PPHLN1: variants seen among roughly 807,000 people sequenced by gnomAD.
PPHLN1 encodes the protein periphilin-1.
Under a neutral mutation model 51.3 loss-of-function variants are expected in PPHLN1, and 29 were observed. The observed-to-expected ratio is 0.57, with a 90% confidence interval of 0.42 to 0.77. The LOEUF (loss-of-function observed/expected upper bound fraction) is 0.77, where lower values mean the gene tolerates loss of function less well. Among genes scored for constraint, PPHLN1 ranks in the 30% least tolerant of loss-of-function variants. The pLI is 0.00. For synonymous variants in PPHLN1, 147 were observed against 147.8 expected (o/e 0.99, Z 0.04); for missense variants, 436 against 438.4 (o/e 0.99, Z 0.05).
At chr12:42,328,938 T>G (rs1279004110) in intron 1 of PPHLN1, among the ~76,000 whole-genome samples, 1 of 152,162 alleles carries the variant, frequency 6.6e-6, no homozygotes, top group African/African-American at 2.4e-5. Context: ...GATCTTGAAC[T>G]CTCAACCTCA....
chr12:42,437,940 T>C (rs563164674), intron 9 of PPHLN1, among the ~76,000 whole-genome samples: 1 of 152,342 alleles, frequency 6.6e-6, no homozygotes, highest in East Asian at 1.9e-4. Context: ...GTTGGTATCA[T>C]AGTGTATAAC....
chr12:42,420,776 A>G (rs1418452666), intron 9 of PPHLN1, among the ~76,000 whole-genome samples: 2 of 150,604 alleles, frequency 1.3e-5, no homozygotes, highest in African/African-American at 4.9e-5. Flanking sequence ...TCATATATGA[A>G]TAATTGGTAC....
At chr12:42,347,394 G>A (rs1348188323) in intron 2 of PPHLN1, among the ~76,000 whole-genome samples, 2 of 152,178 alleles carry the variant, frequency 1.3e-5, no homozygotes, top group African/African-American at 4.8e-5. Flanking sequence ...ACAGCTTAAT[G>A]TAAGATTTGC....
intron 2 of PPHLN1, among the ~76,000 whole-genome samples, chr12:42,340,741 C>G (rs938200181): frequency 1.3e-5 from 2 of 152,150 alleles, no homozygotes; most frequent in African/African-American, 4.8e-5. Flanking sequence ...GTGGTACTTA[C>G]ACCTTGTGAA....
intron 5 of PPHLN1, among the ~76,000 whole-genome samples, chr12:42,379,702 T>C (rs1261993945): frequency 6.6e-6 from 1 of 152,044 alleles, no homozygotes; most frequent in Non-Finnish European, 1.5e-5. Flanking sequence ...TGTATGTGTG[T>C]AGTTAATGCA....
chr12:42,351,595 TTTA>T (rs2073367478), intron 2 of PPHLN1: 3 of 182,516 alleles, frequency 1.6e-5, no homozygotes, highest in East Asian at 1.3e-4. Context: ...CTGTCTTAAG[TTTA>T]TTTTTTACTA....
chr12:42,343,439 T>C (rs901426792), intron 2 of PPHLN1, among the ~76,000 whole-genome samples: 1 of 152,220 alleles, frequency 6.6e-6, no homozygotes, highest in Non-Finnish European at 1.5e-5. Context: ...ACTCAACTAT[T>C]AACATTTTAC....
intron 9 of PPHLN1, among the ~76,000 whole-genome samples, chr12:42,427,602 A>C (rs113686731): frequency 3.3e-5 from 5 of 152,294 alleles, no homozygotes; most frequent in Non-Finnish European, 5.9e-5. Context: ...ACAAAAATCA[A>C]CTCAAGATGG....
At chr12:42,436,153 T>C (rs985597993) in intron 9 of PPHLN1, among the ~76,000 whole-genome samples, 1 of 152,240 alleles carries the variant, frequency 6.6e-6, no homozygotes, top group African/African-American at 2.4e-5. Context: ...TTTGATTGAC[T>C]GTGTCCTTAT....
chr12:42,406,240 T>A (rs889847800), intron 9 of PPHLN1, among the ~76,000 whole-genome samples: 1 of 152,020 alleles, frequency 6.6e-6, no homozygotes, highest in African/African-American at 2.4e-5. Flanking sequence ...CCCGCCACCA[T>A]GCCCGGCTAA....
downstream of PPHLN1, chr12:42,445,826 C>A: frequency 2.2e-6 from 2 of 901,342 alleles, no homozygotes; most frequent in Non-Finnish European, 3.2e-6. Context: ...TGATAAATTT[C>A]AGTCAGCTAT....
chr12:42,422,620 A>G (rs2081102780), intron 9 of PPHLN1, among the ~76,000 whole-genome samples: 1 of 152,216 alleles, frequency 6.6e-6, no homozygotes, highest in Non-Finnish European at 1.5e-5. Context: ...AAAAGTTACA[A>G]TGTTGTAAAC....
intron 3 of PPHLN1, among the ~76,000 whole-genome samples, chr12:42,353,989 AATTCTT>A (rs1274660518): frequency 1.3e-5 from 2 of 152,306 alleles, no homozygotes; most frequent in African/African-American, 4.8e-5. Flanking sequence ...TCATGACACT[AATTCTT>A]ATATAGAGTT....
At chr12:42,344,362 G>A (rs966764892) in intron 2 of PPHLN1, among the ~76,000 whole-genome samples, 1 of 152,168 alleles carries the variant, frequency 6.6e-6, no homozygotes, top group Admixed American at 6.5e-5. Context: ...ACACATTAAT[G>A]TGATCAACTC....
At chr12:42,439,268 C>T (rs1020619435) in intron 9 of PPHLN1, among the ~76,000 whole-genome samples, 2 of 152,110 alleles carry the variant, frequency 1.3e-5, no homozygotes, top group African/African-American at 4.8e-5. Context: ...AGATAGATAA[C>T]CAGTTGTTCA....
intron 2 of PPHLN1, among the ~76,000 whole-genome samples, chr12:42,346,559 A>G (rs995734944): frequency 6.6e-6 from 1 of 152,188 alleles, no homozygotes; most frequent in Non-Finnish European, 1.5e-5. Flanking sequence ...GGAAGTGTGA[A>G]TATCTTGAAC....
intron 9 of PPHLN1, among the ~76,000 whole-genome samples, chr12:42,420,657 T>C (rs1334064165): frequency 8.3e-6 from 1 of 121,014 alleles, no homozygotes; most frequent in African/African-American, 3.3e-5. Context: ...CTTCCTTCCC[T>C]CCTTCCCTCC....
intron 4 of PPHLN1, among the ~76,000 whole-genome samples, chr12:42,367,343 T>A (rs914561874): frequency 1.3e-5 from 2 of 152,184 alleles, no homozygotes; most frequent in African/African-American, 4.8e-5. Flanking sequence ...GTCCTATTTC[T>A]GTTAAATTTT....
In PPHLN1 at chr12:42,406,322, C is replaced by T. The variant is rs566347256; in HGVS notation, c.909+7328C>T. On this transcript the variant is annotated intron_variant, in intron 9 of 9. Transcript: ENST00000358314. ...GTCTCGATCTCCTGACCTCGTGATC[C>T]GCCTGCCTCAGCCTCCCAAAGTGCT... is the stretch of plus-strand genomic sequence containing the variant. Among the ~76,000 whole-genome samples, 12 of 152,246 alleles carry T rather than the reference C, an allele frequency of 7.9e-5. No individual in the cohort carries two copies. The East Asian group carries it at 1.5e-3, about 20-fold the overall frequency.
Sources: gnomAD v4.1 joint callset for allele counts (sites outside exome capture counted in the v4.1 genomes callset) on GRCh38, gnomAD v4.1.1 for gene constraint, MANE v1.5 for transcripts, NCBI Gene and HGNC (gene_info 2026-07-23, HGNC 2026-07-21) for gene names.